Variants in PREX2 observed in about 807,000 individuals in gnomAD.
The protein encoded by PREX2 is phosphatidylinositol 3,4,5-trisphosphate-dependent Rac exchanger 2 protein.
In PREX2, 107 loss-of-function variants were observed where a neutral mutation model predicts 203.2. The observed-to-expected ratio is 0.53, with a 90% CI of 0.45 to 0.62. The LOEUF is 0.62. PREX2 is among the 20% of genes least tolerant of loss of function. PREX2 has a pLI of 0.00. For synonymous variants in PREX2, 672 were observed against 663.6 expected (o/e 1.01, Z -0.19); for missense variants, 1,777 against 1,955.9 (o/e 0.91, Z 1.72).
At chr8:68,173,688 G>T (rs1253718974) in intron 35 of PREX2, among the ~76,000 whole-genome samples, 2 of 152,052 alleles carry the variant, frequency 1.3e-5, no homozygotes, top group East Asian at 3.9e-4. Flanking sequence ...TTTTATTTTT[G>T]TGATAAGTCC....
chr8:68,046,959 T>C (rs1198479286), intron 8 of PREX2, among the ~76,000 whole-genome samples: 1 of 151,996 alleles, frequency 6.6e-6, no homozygotes, highest in Non-Finnish European at 1.5e-5. Flanking sequence ...TGTACCCCAA[T>C]AGCATTTCAG....
At chr8:68,215,329 G>A (rs372369212) in intron 37 of PREX2, among the ~76,000 whole-genome samples, 66 of 152,194 alleles carry the variant, frequency 4.3e-4, no homozygotes, top group African/African-American at 1.4e-3. Flanking sequence ...TATCAGTAAA[G>A]CACAGACATA....
At chr8:67,959,031 G>A (rs1183975164) in intron 1 of PREX2, among the ~76,000 whole-genome samples, 1 of 152,206 alleles carries the variant, frequency 6.6e-6, no homozygotes, top group Admixed American at 6.5e-5. Context: ...TCAATTGAGT[G>A]AGATGGCATA....
chr8:68,038,705 C>T (rs1181526316), intron 7 of PREX2, among the ~76,000 whole-genome samples: 1 of 152,152 alleles, frequency 6.6e-6, no homozygotes, highest in Non-Finnish European at 1.5e-5. Context: ...CTCTCCACTA[C>T]CTTTCCCTCA....
rs925369359 is a variant in PREX2 at position 68,017,736 on chromosome 8, T to C, written c.142-110T>C. On this transcript the variant is annotated intron_variant, in intron 1 of 39. Transcript: ENST00000288368. ...CAACAAAACTATTATACTCAACAAA[T>C]GGAGTTTTACACTTTGGTTTGTTGT... is the stretch of plus-strand genomic sequence containing the variant. 8 of 813,304 alleles carry C rather than the reference T, an allele frequency of 9.8e-6. No homozygotes were observed. The Admixed American group carries it at 1.3e-4, about 13-fold the overall frequency. 50.4% of individuals were successfully genotyped at this position (813,304 alleles called of 1,614,324 possible). A position where few individuals can be genotyped will look rare whatever the true frequency, so the allele number is the denominator to read the frequency against.
At chr8:68,013,597 C>T (rs1468574397) in intron 1 of PREX2, among the ~76,000 whole-genome samples, 1 of 152,114 alleles carries the variant, frequency 6.6e-6, no homozygotes, top group African/African-American at 2.4e-5. Context: ...CAAACGAAGC[C>T]CTTATCTTCC....
chr8:68,107,823 A>G (rs1169653172), intron 23 of PREX2, among the ~76,000 whole-genome samples: 1 of 152,196 alleles, frequency 6.6e-6, no homozygotes, highest in Non-Finnish European at 1.5e-5. Context: ...TTTGAGTCCA[A>G]GTATATTGTG....
intron 1 of PREX2, among the ~76,000 whole-genome samples, chr8:67,983,168 C>T (rs1434120837): frequency 6.6e-6 from 1 of 152,164 alleles, no homozygotes; most frequent in Non-Finnish European, 1.5e-5. Flanking sequence ...TGTGCTTCCT[C>T]AAAAGCCAAC....
chr8:68,118,475 G>A, intron 26 of PREX2, 75 bp from the exon 27 acceptor site: 3 of 897,508 alleles, frequency 3.3e-6, no homozygotes, highest in African/African-American at 1.7e-5. Flanking sequence ...ACTGATATAA[G>A]TTTATGTCAT....
chr8:68,069,852 T>C lies in PREX2; in HGVS notation c.1461T>C (p.Cys487=). Residue 487 remains cysteine (C), a synonymous_variant, in exon 13 of 40, where the codon TGT becomes TGC. Transcript: ENST00000288368. ...TTACGTAGGGTGTAAGATTATATTG[T>C]CGTCTTCATAGCCTTTTTACTCCAG... ...DVISKGVRLY[C]RLHSLFTPVI... 6.4e-7 allele frequency: 1 copy of C among 1,554,406 alleles called. No individual in the cohort carries two copies. The highest frequency in any genetic ancestry group is 8.8e-7 in the Non-Finnish European group (1 of 1,134,790).
chr8:67,967,278 G>C (rs1318190646), intron 1 of PREX2, among the ~76,000 whole-genome samples: 1 of 152,166 alleles, frequency 6.6e-6, no homozygotes, highest in South Asian at 2.1e-4. Flanking sequence ...ATTAGAAAAA[G>C]CATGGTGACA....
chr8:68,007,070 A>T (rs1053976539), intron 1 of PREX2, among the ~76,000 whole-genome samples: 2 of 152,220 alleles, frequency 1.3e-5, no homozygotes, highest in Non-Finnish European at 2.9e-5. Context: ...TCAGCTGTCG[A>T]TGGAGCTGCA....
At chr8:67,965,115 C>T (rs541204704) in intron 1 of PREX2, among the ~76,000 whole-genome samples, 1 of 152,238 alleles carries the variant, frequency 6.6e-6, no homozygotes, top group African/African-American at 2.4e-5. Flanking sequence ...CGCAAGAGAG[C>T]AACAGGAGCT....
At chr8:68,168,870 A>G (rs190960807) in intron 35 of PREX2, among the ~76,000 whole-genome samples, 44 of 151,682 alleles carry the variant, frequency 2.9e-4, no homozygotes, top group Non-Finnish European at 5.1e-4. Flanking sequence ...CATTCTGGAA[A>G]GTAATTTGTT....
At chr8:68,027,089 A>C in intron 4 of PREX2, 133 bp from the exon 5 acceptor site, 1 of 683,254 alleles carries the variant, frequency 1.5e-6, no homozygotes, top group South Asian at 1.6e-5. Flanking sequence ...TTGTGACTGA[A>C]TATGCTCTTC....
intron 35 of PREX2, among the ~76,000 whole-genome samples, chr8:68,169,532 G>A (rs371238878): frequency 6.6e-6 from 1 of 152,076 alleles, no homozygotes; most frequent in Admixed American, 6.6e-5. Context: ...CAAATTTTAA[G>A]AACATATTAA....
chr8:68,044,483 T>G lies in PREX2; in HGVS notation c.840-4T>G. 6.2e-7 allele frequency: 1 copy of G among 1,600,564 alleles called. No homozygotes were observed. The highest frequency in any genetic ancestry group is 8.6e-7 in the Non-Finnish European group (1 of 1,168,072). ...AAGTCTTTGTGATTTAATTCCATCT[T>G]AAGACGGTTGAAGAACAGCAAGGCA... is the stretch of plus-strand genomic sequence containing the variant. On this transcript the variant is annotated splice_region_variant and splice_polypyrimidine_tract_variant and intron_variant, in intron 7 of 39. Coordinates refer to ENST00000288368, the MANE Select transcript of PREX2 (RefSeq NM_024870.4).
At chr8:68,191,627 GT>G in intron 35 of PREX2, 94 bp from the exon 36 acceptor site, 1 of 874,502 alleles carries the variant, frequency 1.1e-6, no homozygotes, top group Non-Finnish European at 1.9e-6. Context: ...TTATTCACTT[GT>G]TTTTAAAAAA....
At chr8:67,975,354 T>C (rs1044049407) in intron 1 of PREX2, among the ~76,000 whole-genome samples, 1 of 147,414 alleles carries the variant, frequency 6.8e-6, no homozygotes, top group African/African-American at 2.5e-5. Flanking sequence ...TAAGTACCTG[T>C]AGGCAGGAAC....
Sources: gnomAD v4.1 joint callset for allele counts (sites outside exome capture counted in the v4.1 genomes callset) on GRCh38, gnomAD v4.1.1 for gene constraint, MANE v1.5 for transcripts, NCBI Gene and HGNC (gene_info 2026-07-23, HGNC 2026-07-21) for gene names.